PIKFYVE: variants seen among roughly 807,000 people sequenced by gnomAD.
PIKFYVE encodes the protein 1-phosphatidylinositol 3-phosphate 5-kinase.
PIKFYVE carries 122 observed loss-of-function variants against 257.9 expected under a neutral mutation model. The observed-to-expected ratio is 0.47, with a 90% CI of 0.41 to 0.55. PIKFYVE has a LOEUF of 0.55. Among genes scored for constraint, PIKFYVE ranks in the 20% least tolerant of loss-of-function variants. PIKFYVE has a pLI of 0.00. For missense variants in PIKFYVE, 2,160 were observed against 2,536.6 expected (o/e 0.85, Z 3.19); for synonymous variants, 892 against 868.9 (o/e 1.03, Z -0.47).
chr2:208,305,101 C>T, intron 12 of PIKFYVE, 88 bp downstream of exon 12: 1 of 1,587,548 alleles, frequency 6.3e-7, no homozygotes, highest in South Asian at 1.1e-5. Context: ...CTGGCTTCCT[C>T]TGTCCCACGT....
Position 208,301,038 on chromosome 2 carries a change from C to T in PIKFYVE, c.1152C>T (p.Cys384=), listed in dbSNP as rs1453349869. The part of the protein sequence containing the change: ...HRYWLRTHPN[C]IVGKELVNWL... ...ACTGGTTGAGAACGCATCCCAACTGCATTGTAGGAAAGGAATTAGTCAACT... is the reference window on the plus strand; with the variant it reads ...ACTGGTTGAGAACGCATCCCAACTGTATTGTAGGAAAGGAATTAGTCAACT... Residue 384 remains cysteine (C), a synonymous_variant, in exon 9 of 42, where the codon TGC becomes TGT. Transcript: ENST00000264380. 2 of 1,614,112 alleles carry T rather than the reference C, an allele frequency of 1.2e-6. No individual in the cohort carries two copies. Among genetic ancestry groups the T allele is most frequent in the Admixed American group, 1.7e-5 (1 of 60,022 alleles).
At chr2:208,333,100 G>A (rs1417202370) in intron 23 of PIKFYVE, among the ~76,000 whole-genome samples, 2 of 151,984 alleles carry the variant, frequency 1.3e-5, no homozygotes, top group Non-Finnish European at 2.9e-5. Context: ...CGGGCGTGGT[G>A]GCGCGTGCCT....
chr2:208,343,373 A>G (rs1698904654), intron 32 of PIKFYVE, among the ~76,000 whole-genome samples: 2 of 152,146 alleles, frequency 1.3e-5, no homozygotes, highest in Admixed American at 6.5e-5. Context: ...AAATTTTTCT[A>G]CTTAGAAAAC....
intron 31 of PIKFYVE, among the ~76,000 whole-genome samples, chr2:208,342,107 G>C (rs77368067): frequency 6.6e-6 from 1 of 152,172 alleles, no homozygotes; most frequent in South Asian, 2.1e-4. Flanking sequence ...GTGAGTTAGG[G>C]TCGGAGTCAG....
intron 16 of PIKFYVE, 72 bp downstream of exon 16, chr2:208,318,013 C>G: frequency 1.4e-6 from 2 of 1,427,048 alleles, no homozygotes. Flanking sequence ...GTTGGGGCAC[C>G]TTAGTTATGG....
intron 16 of PIKFYVE, among the ~76,000 whole-genome samples, chr2:208,319,980 G>GA (rs1696014802): frequency 1.3e-5 from 2 of 149,728 alleles, no homozygotes; most frequent in African/African-American, 4.9e-5. Flanking sequence ...TACAACATCA[G>GA]AAATAAAAAA....
intron 23 of PIKFYVE, among the ~76,000 whole-genome samples, chr2:208,332,039 G>A (rs1378131651): frequency 3.3e-5 from 5 of 152,016 alleles, no homozygotes; most frequent in Admixed American, 1.3e-4. Flanking sequence ...AAAGGAAAAG[G>A]TAAGTTTTGT....
At position 208,325,901 on chromosome 2, in the gene PIKFYVE, A is replaced by G. The variant is rs1205237860; in HGVS notation, c.3090A>G (p.Glu1030=). Residue 1030 remains glutamate, a synonymous_variant, in exon 20 of 42, where the codon GAA becomes GAG. Transcript: ENST00000264380. ...ACACTGGATTATATGTTACTGAGGAAGTCACCTCCTCTGAAGATAAACGAA... is the reference window on the plus strand; with the variant it reads ...ACACTGGATTATATGTTACTGAGGAGGTCACCTCCTCTGAAGATAAACGAA... The part of the protein sequence containing the change: ...QDDTGLYVTE[E]VTSSEDKRKT... 6.2e-7 allele frequency: 1 copy of G among 1,614,008 alleles called. No homozygotes were observed. The highest frequency in any genetic ancestry group is 2.2e-5 in the East Asian group (1 of 44,888).
intron 23 of PIKFYVE, among the ~76,000 whole-genome samples, chr2:208,331,668 G>T (rs181195984): frequency 6.6e-6 from 1 of 152,176 alleles, no homozygotes; most frequent in Non-Finnish European, 1.5e-5. Context: ...GAGCCACAGC[G>T]CCTGGCCTTA....
In PIKFYVE at chr2:208,339,571, C is replaced by CT; in HGVS notation, c.4810+20dup. The stretch of plus-strand genomic sequence containing the variant: ...AGTTCCGAAGGTAGAGGTTAAGTCA[C>CT]TTTTACCATATTTCATTGTATCTAA... On this transcript the variant is annotated intron_variant, in intron 30 of 41. Coordinates refer to ENST00000264380, the MANE Select transcript of PIKFYVE (RefSeq NM_015040.4). 2 of 1,613,784 alleles carry CT rather than the reference C, an allele frequency of 1.2e-6. No homozygotes were observed. Among genetic ancestry groups the CT allele is most frequent in the Admixed American group, 3.3e-5 (2 of 60,010 alleles).
intron 10 of PIKFYVE, 77 bp downstream of exon 10, chr2:208,302,430 A>G (rs948722833): frequency 1.4e-4 from 180 of 1,308,874 alleles, no homozygotes; most frequent in Non-Finnish European, 1.8e-4. Flanking sequence ...GGGAATAAAA[A>G]GTAGTTTATT....
At chr2:208,323,449 T>C (rs1005663791) in intron 17 of PIKFYVE, among the ~76,000 whole-genome samples, 1 of 152,090 alleles carries the variant, frequency 6.6e-6, no homozygotes, top group Non-Finnish European at 1.5e-5. Flanking sequence ...CTCATCCTTT[T>C]CTCTGGCTGC....
At chr2:208,266,909 A>G (rs183802158) in intron 1 of PIKFYVE, among the ~76,000 whole-genome samples, 13 of 152,286 alleles carry the variant, frequency 8.5e-5, no homozygotes, top group Admixed American at 3.3e-4. Context: ...ATTTCAACTT[A>G]GGTTTTGGAG....
Position 208,346,093 on chromosome 2 carries a change from C to A in PIKFYVE, c.5155C>A (p.Pro1719Thr), listed in dbSNP as rs906491412. The change falls in exon 34 of 42, where the codon CCT becomes ACT. Residue 1719 changes from proline to threonine, a missense_variant. Pro to Thr is a conservative substitution (Grantham distance 38, BLOSUM62 -1). This residue lies in a region of PIKFYVE where 699 missense variants were observed against 855.8 expected (regional missense o/e 0.82). Coordinates refer to ENST00000264380, the MANE Select transcript of PIKFYVE (RefSeq NM_015040.4). ...AAAGAGTAGCAGCCCTATCAGATTA[C>A]CTGAAATGAGTGGAGGACAGACAAA... ...RPKSSSPIRL[P>T]EMSGGQTNRT... 1 of 1,613,156 alleles carries A rather than the reference C, an allele frequency of 6.2e-7. No homozygotes were observed. Among genetic ancestry groups the A allele is most frequent in the Non-Finnish European group, 8.5e-7 (1 of 1,179,518 alleles).
chr2:208,302,162 T>C (rs562873687), intron 9 of PIKFYVE, 80 bp from the exon 10 acceptor site: 10 of 1,234,770 alleles, frequency 8.1e-6, no homozygotes, highest in African/African-American at 4.5e-5. Flanking sequence ...AAAAAAAATA[T>C]TTTAAGGTTG....
rs555555309 is a variant in PIKFYVE at position 208,282,141 on chromosome 2, G to A, written c.614-3585G>A. On this transcript the variant is annotated intron_variant, in intron 5 of 41. Transcript: ENST00000264380. ...TCACTCAGAACTTTGCCTTTTATAA[G>A]TATTAATATTTGATTAGGAGTATCT... Among the ~76,000 whole-genome samples the A allele has an allele frequency of 2.6e-4, 39 of 152,278 alleles. 1 individual carries two copies. The highest frequency in any genetic ancestry group is 8.7e-4 in the African/African-American group (36 of 41,546).
At position 208,301,100 on chromosome 2, in the gene PIKFYVE, C is replaced by CT. The variant is rs769673207; in HGVS notation, c.1208+7dup. 3 of 1,613,668 alleles carry CT rather than the reference C, an allele frequency of 1.9e-6. No individual in the cohort carries two copies. The South Asian group carries it at 3.3e-5, about 18-fold the overall frequency. ...AATGGGCATATTGCCACAAGGTATT[C>CT]TGATCTTAGAAGGTTTCAATATTAT... On this transcript the variant is annotated splice_region_variant and intron_variant, in intron 9 of 41. Coordinates refer to ENST00000264380, the MANE Select transcript of PIKFYVE (RefSeq NM_015040.4).
At position 208,352,773 on chromosome 2, in the gene PIKFYVE, G is replaced by C; in HGVS notation, c.5835G>C (p.Lys1945Asn). Residue 1945 changes from lysine (K) to asparagine (N), a missense_variant, in exon 39 of 42, where the codon AAG becomes AAC. By Grantham distance (94) the Lys-to-Asn change is moderately conservative. Around this residue, in one of 12 missense-constraint regions of PIKFYVE, gnomAD observed 699 missense variants for 855.8 expected, o/e 0.82. Transcript: ENST00000264380. ...LVMENLFYGR[K>N]MAQVFDLKGS... ...TGGAAAATCTTTTCTACGGGAGAAA[G>C]ATGGCACAGGTAAGGGTATTGGACT... 1.2e-6 allele frequency: 2 copies of C among 1,613,226 alleles called. No individual in the cohort carries two copies. Among genetic ancestry groups the C allele is most frequent in the Non-Finnish European group, 8.5e-7 (1 of 1,179,588 alleles).
chr2:208,299,601 C>G (rs1000766065), intron 8 of PIKFYVE, among the ~76,000 whole-genome samples: 10 of 152,166 alleles, frequency 6.6e-5, no homozygotes, highest in Non-Finnish European at 1.3e-4. Context: ...ATTTTCTTTA[C>G]CCTTTTATCT....
Sources: gnomAD v4.1 joint callset for allele counts (sites outside exome capture counted in the v4.1 genomes callset) on GRCh38, gnomAD v4.1.1 for gene constraint, gnomAD v4.1.1 regional missense constraint, MANE v1.5 for transcripts, NCBI Gene and HGNC (gene_info 2026-07-23, HGNC 2026-07-21) for gene names.